Variants in JAK1 observed in about 807,000 individuals in gnomAD.
JAK1 encodes Janus kinase 1.
JAK1 carries 16 observed loss-of-function variants against 136.6 expected under a neutral mutation model. The ratio of observed to expected loss-of-function variants is 0.12; its 90% CI spans 0.08 to 0.18. JAK1 has a LOEUF of 0.18. Among genes scored for constraint, JAK1 ranks in the 10% least tolerant of loss-of-function variants. The pLI is 1.00. For missense variants in JAK1, 859 were observed against 1,450.1 expected (o/e 0.59, Z 6.62); for synonymous variants, 492 against 519.5 (o/e 0.95, Z 0.72).
chr1:65,059,387 T>G (rs1363267973), intron 1 of JAK1, among the ~76,000 whole-genome samples: 1 of 152,226 alleles, frequency 6.6e-6, no homozygotes, highest in Non-Finnish European at 1.5e-5. Flanking sequence ...CTAGTGGGGC[T>G]TTATAATTAA....
chr1:64,992,906 A>AAG (rs545329074), intron 2 of JAK1: 15 of 151,884 alleles, frequency 9.9e-5, no homozygotes, highest in Non-Finnish European at 1.8e-4. Context: ...CAAAAAAAAA[A>AAG]AAAAAAAAAA....
chr1:64,872,617 C>G (rs1657138492), intron 5 of JAK1, among the ~76,000 whole-genome samples: 1 of 152,170 alleles, frequency 6.6e-6, no homozygotes, highest in Admixed American at 6.5e-5. Flanking sequence ...TCTCCAGCAT[C>G]TTAGCAGGTA....
intron 2 of JAK1, among the ~76,000 whole-genome samples, chr1:64,988,842 T>A (rs115939732): frequency 2.9e-3 from 442 of 151,450 alleles, no homozygotes; most frequent in African/African-American, 0.01. Context: ...TGAACTATGA[T>A]CTTGACACTG....
Position 64,998,380 on chromosome 1 carries a change from G to A in JAK1, c.-78+46100C>T, listed in dbSNP as rs371477552. Among the ~76,000 whole-genome samples the A allele has an allele frequency of 2.2e-4, 33 of 152,240 alleles. 5 individuals carry two copies. The highest frequency in any genetic ancestry group is 3.3e-4 in the Admixed American group (5 of 15,286). On this transcript the variant is annotated intron_variant, in intron 2 of 25. Transcript: ENST00000671954. ...TTGTACAAGTTTTTCTTAAGCTACCGTCCAGAAAAATGTCTTTCATTGAGT... is the reference window on the plus strand; with the variant it reads ...TTGTACAAGTTTTTCTTAAGCTACCATCCAGAAAAATGTCTTTCATTGAGT...
intron 2 of JAK1, among the ~76,000 whole-genome samples, chr1:65,011,470 A>G (rs530578129): frequency 6.6e-6 from 1 of 152,184 alleles, no homozygotes; most frequent in African/African-American, 2.4e-5. Context: ...CAAACAAACA[A>G]CAACCAACAA....
chr1:64,922,963 A>C (rs927219041), intron 1 of JAK1, among the ~76,000 whole-genome samples: 9 of 152,210 alleles, frequency 5.9e-5, no homozygotes, highest in Admixed American at 3.3e-4. Flanking sequence ...CCACAGTGGA[A>C]ATCATACGTT....
chr1:64,923,021 G>T (rs1413272113), intron 1 of JAK1, among the ~76,000 whole-genome samples: 1 of 152,146 alleles, frequency 6.6e-6, no homozygotes. Context: ...AAGTAAATTT[G>T]GAATACAAGC....
intron 1 of JAK1, among the ~76,000 whole-genome samples, chr1:64,951,900 G>A (rs1006814933): frequency 3.9e-5 from 6 of 151,908 alleles, no homozygotes; most frequent in South Asian, 2.1e-4. Context: ...CTCGTGATCC[G>A]CCCGCCTCGG....
chr1:64,873,443 C>G lies in JAK1; in HGVS notation c.410G>C (p.Gly137Ala). Residue 137 changes from glycine to alanine, a missense_variant, in exon 5 of 25, where the codon GGC (glycine) becomes GCC (alanine). Physicochemically the swap from Gly to Ala is moderately conservative, Grantham distance 60. This residue lies in a region of JAK1 where 353 missense variants were observed against 494.0 expected (regional missense o/e 0.71). Transcript: ENST00000342505. Reference sequence around the variant, plus strand: ...ATCTGGAATCTTTTTTTTCTCGTAGCCATTTTTCTGCTTCTTTGGAGAATG... The same window carrying G: ...ATCTGGAATCTTTTTTTTCTCGTAGGCATTTTTCTGCTTCTTTGGAGAATG... Reference protein sequence around the residue: ...WRHSPKKQKNGYEKKKIPDAT... With the variant: ...WRHSPKKQKNAYEKKKIPDAT... The G allele has an allele frequency of 6.2e-7, 1 of 1,614,174 alleles. No homozygotes were observed. Among genetic ancestry groups the G allele is most frequent in the East Asian group, 2.2e-5 (1 of 44,884 alleles).
intron 1 of JAK1, among the ~76,000 whole-genome samples, chr1:64,931,282 G>T (rs76258616): frequency 6.6e-6 from 1 of 152,094 alleles, no homozygotes; most frequent in East Asian, 1.9e-4. Flanking sequence ...ATATTCAGAG[G>T]AAGCAAATTC....
intron 1 of JAK1, among the ~76,000 whole-genome samples, chr1:65,061,038 C>G (rs1005457498): frequency 6.6e-6 from 1 of 152,188 alleles, no homozygotes; most frequent in African/African-American, 2.4e-5. Flanking sequence ...CAACTAGGAA[C>G]AATTTCTTCA....
intron 2 of JAK1, among the ~76,000 whole-genome samples, chr1:64,978,492 A>G (rs765628904): frequency 2.0e-5 from 3 of 152,204 alleles, no homozygotes; most frequent in Admixed American, 6.5e-5. Context: ...CGTGGTTCCT[A>G]TAATTAACGG....
chr1:64,924,120 A>G (rs1021243185), intron 1 of JAK1, among the ~76,000 whole-genome samples: 2 of 152,242 alleles, frequency 1.3e-5, no homozygotes, highest in African/African-American at 4.8e-5. Context: ...TCTTGATGAC[A>G]CAAATACATG....
intron 3 of JAK1, among the ~76,000 whole-genome samples, chr1:64,879,847 G>A (rs536499228): frequency 5.3e-5 from 8 of 152,236 alleles, no homozygotes; most frequent in African/African-American, 1.7e-4. Flanking sequence ...AGTTGCCTCC[G>A]TCAATAAGAG....
chr1:64,864,332 C>T (rs911754820), intron 8 of JAK1, among the ~76,000 whole-genome samples: 7 of 152,204 alleles, frequency 4.6e-5, no homozygotes, highest in African/African-American at 1.2e-4. Flanking sequence ...TTCCTCTGTC[C>T]GAGAGTCACT....
At position 64,870,250 on chromosome 1, in the gene JAK1, T is replaced by G. The variant is rs1656994275; in HGVS notation, c.484-776A>C. 2.0e-5 allele frequency among the ~76,000 whole-genome samples: 3 copies of G among 152,210 alleles called. No individual in the cohort carries two copies. In the South Asian group the frequency reaches 6.2e-4, roughly 32 times the overall value. On this transcript the variant is annotated intron_variant, in intron 5 of 24. Transcript: ENST00000342505. ...CAACGTGGATGTTAACATCGTCATCTCCAACAGATGAGGAATCTAAGGCAC... is the reference window on the plus strand; with the variant it reads ...CAACGTGGATGTTAACATCGTCATCGCCAACAGATGAGGAATCTAAGGCAC...
intron 13 of JAK1, among the ~76,000 whole-genome samples, chr1:64,847,311 A>G (rs2780897): frequency 0.34 from 51,347 of 151,354 alleles, 11,090 homozygotes; most frequent in African/African-American, 0.61. Context: ...TGGGGGTGGA[A>G]GGGAGGGCAC....
chr1:65,038,488 C>A (rs1276526945), intron 2 of JAK1, among the ~76,000 whole-genome samples: 1 of 152,174 alleles, frequency 6.6e-6, no homozygotes, highest in East Asian at 1.9e-4. Context: ...CGTGAGCCAC[C>A]ATGCCCAGCC....
intron 5 of JAK1, 48 bp downstream of exon 5, chr1:64,873,322 C>T: frequency 6.2e-7 from 1 of 1,610,568 alleles, no homozygotes; most frequent in Non-Finnish European, 8.5e-7. Context: ...TCTACAATGC[C>T]TCTCCCATCC....
Sources: gnomAD v4.1 joint callset for allele counts (sites outside exome capture counted in the v4.1 genomes callset) on GRCh38, gnomAD v4.1.1 for gene constraint, gnomAD v4.1.1 regional missense constraint, MANE v1.5 for transcripts, NCBI Gene and HGNC (gene_info 2026-07-23, HGNC 2026-07-21) for gene names.